Variants in CNTNAP2 observed in about 807,000 individuals in gnomAD.
The protein encoded by CNTNAP2 is contactin associated protein 2.
A neutral mutation model predicts 155.2 loss-of-function variants in CNTNAP2; 98 were observed. The observed-to-expected ratio is 0.63, with a 90% CI of 0.54 to 0.75. The LOEUF (loss-of-function observed/expected upper bound fraction) is 0.75, where lower values mean the gene tolerates loss of function less well. CNTNAP2 is among the 30% of genes least tolerant of loss of function. The probability of loss-of-function intolerance (pLI) is 0.00; values close to 1 mark genes in which losing one functional copy is unlikely to be tolerated. For synonymous variants in CNTNAP2, 651 were observed against 631.2 expected, an observed-to-expected ratio of 1.03 and a Z score of -0.47; for missense variants, 1,727 against 1,688.1, an observed-to-expected ratio of 1.02 and a Z score of -0.40.
intron 1 of CNTNAP2, among the ~76,000 whole-genome samples, chr7:146,212,473 G>A (rs752939798): frequency 5.3e-5 from 8 of 152,072 alleles, no homozygotes; most frequent in African/African-American, 9.7e-5. Flanking sequence ...TCATCTGGAC[G>A]TATAATGATT....
chr7:146,481,001 G>GA (rs757735257), intron 1 of CNTNAP2, among the ~76,000 whole-genome samples: 9 of 141,168 alleles, frequency 6.4e-5, no homozygotes, highest in South Asian at 2.1e-4. Flanking sequence ...GTATATTAAT[G>GA]AAAATTTTTT....
At chr7:146,940,696 TACAC>T (rs112623198) in intron 3 of CNTNAP2, among the ~76,000 whole-genome samples, 6 of 148,996 alleles carry the variant, frequency 4.0e-5, no homozygotes, top group Admixed American at 1.3e-4. Flanking sequence ...TATATATATA[TACAC>T]ACACACACAC....
chr7:146,631,223 T>C (rs966669151), intron 1 of CNTNAP2, among the ~76,000 whole-genome samples: 10 of 152,078 alleles, frequency 6.6e-5, no homozygotes, highest in Non-Finnish European at 8.8e-5. Context: ...TATAGACCAA[T>C]GGAACAGGAC....
chr7:147,447,554 C>A (rs1321009097), intron 10 of CNTNAP2, among the ~76,000 whole-genome samples: 2 of 152,124 alleles, frequency 1.3e-5, no homozygotes, highest in Non-Finnish European at 2.9e-5. Flanking sequence ...GTAGCTAGGA[C>A]TACAGGCGCG....
chr7:146,475,758 A>G (rs1796868095), intron 1 of CNTNAP2, among the ~76,000 whole-genome samples: 2 of 152,198 alleles, frequency 1.3e-5, no homozygotes, highest in Non-Finnish European at 2.9e-5. Flanking sequence ...ATGGCAAATG[A>G]GTAACTGACA....
At chr7:146,427,940 T>C (rs1796116349) in intron 1 of CNTNAP2, among the ~76,000 whole-genome samples, 1 of 152,182 alleles carries the variant, frequency 6.6e-6, no homozygotes, top group South Asian at 2.1e-4. Context: ...CCCTGCCATG[T>C]GTCCATATGT....
At chr7:148,283,254 A>AAAAAAAG (rs1563024554) in intron 21 of CNTNAP2, among the ~76,000 whole-genome samples, 1 of 64,058 alleles carries the variant, frequency 1.6e-5, no homozygotes, top group Non-Finnish European at 2.9e-5. Context: ...AAAAAAAAAA[A>AAAAAAAG]AAAAGAAAGA....
intron 11 of CNTNAP2, among the ~76,000 whole-genome samples, chr7:147,532,485 G>C (rs930877578): frequency 1.3e-5 from 2 of 152,108 alleles, no homozygotes; most frequent in Non-Finnish European, 2.9e-5. Context: ...CACATTTTCT[G>C]ATCTTCTCAG....
chr7:148,090,777 TAGAAG>T (rs1207783116), intron 15 of CNTNAP2, among the ~76,000 whole-genome samples: 9 of 152,206 alleles, frequency 5.9e-5, no homozygotes, highest in Non-Finnish European at 1.2e-4. Context: ...AATTAGTATG[TAGAAG>T]AGATAAGTGC....
intron 13 of CNTNAP2, among the ~76,000 whole-genome samples, chr7:147,687,988 T>G (rs1796037555): frequency 1.3e-5 from 2 of 152,166 alleles, no homozygotes; most frequent in South Asian, 4.1e-4. Flanking sequence ...TTGGGAAATT[T>G]TAATGATTAT....
intron 1 of CNTNAP2, among the ~76,000 whole-genome samples, chr7:146,634,574 A>C (rs1427176565): frequency 6.6e-6 from 1 of 152,198 alleles, no homozygotes; most frequent in Non-Finnish European, 1.5e-5. Context: ...CTTTCTTTGG[A>C]GATGTGACAT....
intron 8 of CNTNAP2, among the ~76,000 whole-genome samples, chr7:147,164,576 T>A (rs1802084003): frequency 1.3e-5 from 2 of 152,238 alleles, no homozygotes. Flanking sequence ...TTTAAATAAA[T>A]GCAATATTTA....
intron 3 of CNTNAP2, among the ~76,000 whole-genome samples, chr7:146,850,790 A>T (rs1047124264): frequency 2.1e-5 from 3 of 141,606 alleles, no homozygotes; most frequent in Middle Eastern, 3.5e-3. Context: ...AAATAAAAAT[A>T]AAAAAAACTA....
intron 1 of CNTNAP2, among the ~76,000 whole-genome samples, chr7:146,595,432 C>T (rs1165648194): frequency 6.6e-6 from 1 of 151,864 alleles, no homozygotes; most frequent in Non-Finnish European, 1.5e-5. Flanking sequence ...ACCATTATTC[C>T]TTAAGAGGAA....
At chr7:147,012,376 A>G (rs1415350176) in intron 3 of CNTNAP2, among the ~76,000 whole-genome samples, 3 of 152,180 alleles carry the variant, frequency 2.0e-5, no homozygotes, top group Admixed American at 1.3e-4. Flanking sequence ...CTTTTAAGTG[A>G]TTCAGAAGGA....
At chr7:147,460,014 A>G (rs1489817571) in intron 10 of CNTNAP2, among the ~76,000 whole-genome samples, 1 of 152,082 alleles carries the variant, frequency 6.6e-6, no homozygotes, top group East Asian at 1.9e-4. Flanking sequence ...CTAGGGGCGG[A>G]ATAGCATTAG....
rs544658811 is a variant in CNTNAP2 at position 146,842,802 on chromosome 7, C to T, written c.402+2898C>T. 1.8e-3 allele frequency among the ~76,000 whole-genome samples: 281 copies of T among 151,926 alleles called. 2 individuals carry two copies. The highest frequency in any genetic ancestry group is 2.7e-3 in the Admixed American group (41 of 15,268). ...CCGGTTTCACGCCATTCTCCTGCCT[C>T]AGCCTCCCAAGTAGCTGGGACCACA... On this transcript the variant is annotated intron_variant, in intron 3 of 23. Transcript: ENST00000361727.
At chr7:147,369,246 G>A (rs1796299203) in intron 9 of CNTNAP2, among the ~76,000 whole-genome samples, 2 of 152,290 alleles carry the variant, frequency 1.3e-5, no homozygotes, top group South Asian at 2.1e-4. Flanking sequence ...TTTATTTCCA[G>A]CATCGTATTG....
At chr7:147,256,072 T>C (rs1034467521) in intron 8 of CNTNAP2, among the ~76,000 whole-genome samples, 2 of 152,140 alleles carry the variant, frequency 1.3e-5, no homozygotes, top group Non-Finnish European at 2.9e-5. Flanking sequence ...ATGGGTGGCA[T>C]GGGACTTTGA....
Sources: allele counts gnomAD v4.1 joint callset (sites outside exome capture counted in the v4.1 genomes callset), GRCh38; gene constraint gnomAD v4.1.1; transcripts MANE v1.5; gene names NCBI Gene and HGNC (gene_info 2026-07-23, HGNC 2026-07-21).